The following MICU3 variants were observed in gnomAD, a reference collection of about 807,000 sequenced individuals.
The protein encoded by MICU3 is calcium uptake protein 3, mitochondrial.
A neutral mutation model predicts 66.5 loss-of-function variants in MICU3; 62 were observed. The observed-to-expected ratio is 0.93, with a 90% CI of 0.76 to 1.15. The LOEUF (loss-of-function observed/expected upper bound fraction) is 1.15. MICU3 is among the 50% of genes most tolerant of loss of function. The probability of loss-of-function intolerance (pLI) is 0.00; values close to 1 mark genes in which losing one functional copy is unlikely to be tolerated. For synonymous variants in MICU3, 308 were observed against 240.7 expected, an observed-to-expected ratio of 1.28 and a Z score of -2.59; for missense variants, 779 against 664.4, an observed-to-expected ratio of 1.17 and a Z score of -1.90.
intron 1 of MICU3, among the ~76,000 whole-genome samples, chr8:17,047,138 A>G (rs550576117): frequency 1.3e-4 from 20 of 152,334 alleles, no homozygotes; most frequent in African/African-American, 4.6e-4. Context: ...AGTATATTCA[A>G]AATCATTGAA....
intron 4 of MICU3, among the ~76,000 whole-genome samples, chr8:17,081,194 G>A (rs1468878030): frequency 1.3e-5 from 2 of 152,066 alleles, no homozygotes; most frequent in African/African-American, 4.8e-5. Context: ...AAGCAGAAAA[G>A]TGGTAACTAT....
At chr8:17,108,065 G>A (rs138966753) in intron 11 of MICU3, among the ~76,000 whole-genome samples, 412 of 152,200 alleles carry the variant, frequency 2.7e-3, no homozygotes, top group African/African-American at 9.4e-3. Context: ...GTACCTGTTC[G>A]TGGATATTTC....
At chr8:17,048,739 C>A (rs1250475416) in intron 1 of MICU3, among the ~76,000 whole-genome samples, 1 of 152,160 alleles carries the variant, frequency 6.6e-6, no homozygotes, top group Admixed American at 6.5e-5. Context: ...CCTCCGCTTC[C>A]TGAGTAGTTG....
chr8:17,059,905 T>C (rs1437800761), intron 1 of MICU3, among the ~76,000 whole-genome samples: 1 of 152,204 alleles, frequency 6.6e-6, no homozygotes, highest in Non-Finnish European at 1.5e-5. Context: ...AGACGATCAA[T>C]TCTCCCAAAA....
At chr8:17,075,057 A>G (rs906631959) in intron 3 of MICU3, among the ~76,000 whole-genome samples, 4 of 152,140 alleles carry the variant, frequency 2.6e-5, no homozygotes, top group Non-Finnish European at 4.4e-5. Flanking sequence ...TAGAACTCAG[A>G]AAATGCAGTA....
chr8:17,056,512 G>A (rs1731439410), intron 1 of MICU3, among the ~76,000 whole-genome samples: 1 of 152,034 alleles, frequency 6.6e-6, no homozygotes, highest in Admixed American at 6.5e-5. Context: ...TCTTTTTCTT[G>A]CAAGAACTTA....
chr8:17,120,388 G>T lies in MICU3; in HGVS notation c.*101G>T, dbSNP rs1337826122. On this transcript the variant is annotated 3_prime_UTR_variant, in exon 15 of 15. Transcript: ENST00000318063. ...CAGGTCTGAGGTCAGAAGAAGTAGA[G>T]AATGAAGGAAAAGGTGAATGCTATG... 1 of 152,028 alleles carries T rather than the reference G, an allele frequency of 6.6e-6. No homozygotes were observed. The highest frequency in any genetic ancestry group is 2.4e-5 in the African/African-American group (1 of 41,406). The allele number at this position is 152,028 out of a possible 1,614,324, so 9.4% of individuals were successfully genotyped here. A position where few individuals can be genotyped will look rare whatever the true frequency, so the allele number is the denominator to read the frequency against.
the MICU3 span, among the ~76,000 whole-genome samples, chr8:17,129,326 C>A: frequency 1.3e-5 from 2 of 151,852 alleles, no homozygotes; most frequent in African/African-American, 4.8e-5. Flanking sequence ...AGAAAAAGGC[C>A]CAGAGGTGAC....
In MICU3 at chr8:17,027,470, G is replaced by C. The variant is rs540076192; in HGVS notation, c.191G>C (p.Trp64Ser). 3.1e-6 allele frequency: 4 copies of C among 1,289,842 alleles called. No individual in the cohort carries two copies. Among genetic ancestry groups the C allele is most frequent in the East Asian group, 3.1e-5 (1 of 32,162 alleles). The allele number at this position is 1,289,842 out of a possible 1,614,324, so 79.9% of individuals were successfully genotyped here. ...GCGGCATGGAGGCGGCGGCGGCGCT[G>C]GGGGGAGCTGAGCGTGGCGGCGGCG... ...AEAAWRRRRRWGELSVAAAAG... is the reference protein window; with the variant it reads ...AEAAWRRRRRSGELSVAAAAG... Residue 64 changes from tryptophan to serine, a missense_variant, in exon 1 of 15, where the codon TGG becomes TCG. Physicochemically the swap from Trp to Ser is radical, Grantham distance 177. Coordinates refer to ENST00000318063, the MANE Select transcript of MICU3 (RefSeq NM_181723.3).
intron 1 of MICU3, among the ~76,000 whole-genome samples, chr8:17,029,184 T>C (rs1811570629): frequency 6.6e-6 from 1 of 152,182 alleles, no homozygotes. Flanking sequence ...ATTAAATAAA[T>C]TTATTTTTTG....
chr8:17,048,278 A>G (rs1815432606), intron 1 of MICU3, among the ~76,000 whole-genome samples: 1 of 152,236 alleles, frequency 6.6e-6, no homozygotes, highest in Non-Finnish European at 1.5e-5. Context: ...CACAAGGACT[A>G]CATATCCTAA....
In MICU3 at chr8:17,122,282, A is replaced by T. The variant is rs1427938208; in HGVS notation, c.*1995A>T. Reference sequence around the variant, plus strand: ...GATTTCCATCATATTATCACTCTTGAATTTTATCATCTATAAAATGAGAGA... The same window carrying T: ...GATTTCCATCATATTATCACTCTTGTATTTTATCATCTATAAAATGAGAGA... On this transcript the variant is annotated 3_prime_UTR_variant, in exon 15 of 15. Transcript: ENST00000318063. 2.0e-5 allele frequency: 3 copies of T among 151,884 alleles called. No individual in the cohort carries two copies. Among genetic ancestry groups the T allele is most frequent in the Admixed American group, 2.0e-4 (3 of 15,246 alleles). The allele number at this position is 151,884 out of a possible 1,614,324, so 9.4% of individuals were successfully genotyped here. A position where few individuals can be genotyped will look rare whatever the true frequency, so the allele number is the denominator to read the frequency against.
Position 17,027,467 on chromosome 8 carries a change from G to A in MICU3, c.188G>A (p.Arg63His). ...VAEAAWRRRR[R>H]WGELSVAAAA... ...GAGGCGGCATGGAGGCGGCGGCGGC[G>A]CTGGGGGGAGCTGAGCGTGGCGGCG... The change falls in exon 1 of 15, where the codon CGC becomes CAC. Residue 63 changes from arginine (R) to histidine (H), a missense_variant. By Grantham distance (29) the Arg-to-His change is conservative. Coordinates refer to ENST00000318063, the MANE Select transcript of MICU3 (RefSeq NM_181723.3). The A allele has an allele frequency of 7.7e-7, 1 of 1,291,068 alleles. No individual in the cohort carries two copies. Among genetic ancestry groups the A allele is most frequent in the Non-Finnish European group, 9.8e-7 (1 of 1,024,310 alleles). 80.0% of individuals were successfully genotyped at this position (1,291,068 alleles called of 1,614,324 possible).
At chr8:17,042,185 T>C (rs1297548324) in intron 1 of MICU3, among the ~76,000 whole-genome samples, 1 of 152,222 alleles carries the variant, frequency 6.6e-6, no homozygotes. Context: ...AATTAGTACT[T>C]TTTTTACCCA....
At chr8:17,045,810 CAA>C (rs1814974957) in intron 1 of MICU3, among the ~76,000 whole-genome samples, 1 of 152,190 alleles carries the variant, frequency 6.6e-6, no homozygotes. Flanking sequence ...TGGAGGCAGA[CAA>C]GAGGGCATGT....
intron 1 of MICU3, among the ~76,000 whole-genome samples, chr8:17,031,907 T>G (rs1430645747): frequency 6.6e-6 from 1 of 152,194 alleles, no homozygotes; most frequent in Non-Finnish European, 1.5e-5. Flanking sequence ...AGATAATGTC[T>G]TTTTTTGTAA....
chr8:17,098,987 A>T (rs555632459), intron 9 of MICU3, among the ~76,000 whole-genome samples: 1 of 151,732 alleles, frequency 6.6e-6, no homozygotes, highest in South Asian at 2.1e-4. Context: ...TATGGTAGGA[A>T]CAGCCAGTCA....
chr8:17,070,113 TTTC>T (rs1819329367), intron 3 of MICU3, among the ~76,000 whole-genome samples: 1 of 152,062 alleles, frequency 6.6e-6, no homozygotes, highest in Admixed American at 6.6e-5. Context: ...GATCTAGTAA[TTTC>T]TACTAAATAC....
chr8:17,036,833 G>A (rs2150504853), intron 1 of MICU3, among the ~76,000 whole-genome samples: 1 of 152,346 alleles, frequency 6.6e-6, no homozygotes. Flanking sequence ...TCAGCCCTTG[G>A]GTGGTCGATG....
Sources: allele counts gnomAD v4.1 joint callset (sites outside exome capture counted in the v4.1 genomes callset), GRCh38; gene constraint gnomAD v4.1.1; transcripts MANE v1.5; gene names NCBI Gene and HGNC (gene_info 2026-07-23, HGNC 2026-07-21).